ATXN1: variants seen among roughly 807,000 people sequenced by gnomAD.
The protein encoded by ATXN1 is ataxin-1.
A neutral mutation model predicts 56.4 loss-of-function variants in ATXN1; 8 were observed. The observed-to-expected ratio is 0.14, with a 90% confidence interval of 0.08 to 0.26. The LOEUF is 0.26. ATXN1 is among the 10% of genes least tolerant of loss of function. ATXN1 has a pLI of 1.00. For missense variants in ATXN1, 987 were observed against 1,106.5 expected (o/e 0.89, Z 1.53); for synonymous variants, 514 against 494.6 (o/e 1.04, Z -0.52).
At chr6:16,658,084 G>T (rs941512839) in intron 2 of ATXN1, among the ~76,000 whole-genome samples, 183 bp from the exon 3 acceptor site, 16 of 152,014 alleles carry the variant, frequency 1.1e-4, no homozygotes, top group African/African-American at 3.4e-4. Flanking sequence ...CTAAAATACT[G>T]GAGGTGGGGT....
At chr6:16,568,714 A>G (rs937504342) in intron 4 of ATXN1, among the ~76,000 whole-genome samples, 1 of 152,122 alleles carries the variant, frequency 6.6e-6, no homozygotes, top group Non-Finnish European at 1.5e-5. Context: ...CCCACTGTCT[A>G]AATGCTTCAT....
intron 2 of ATXN1, among the ~76,000 whole-genome samples, chr6:16,735,981 TA>T (rs1405798895): frequency 1.3e-5 from 2 of 152,236 alleles, no homozygotes; most frequent in African/African-American, 4.8e-5. Flanking sequence ...AAAATAGAAT[TA>T]AATTGAATGC....
chr6:16,459,920 C>T (rs963154360), intron 6 of ATXN1, among the ~76,000 whole-genome samples: 37 of 152,248 alleles, frequency 2.4e-4, no homozygotes, highest in African/African-American at 8.9e-4. Context: ...AATCGAAGGC[C>T]CAGCTCTGCC....
At chr6:16,438,736 T>C (rs1759443494) in intron 6 of ATXN1, among the ~76,000 whole-genome samples, 1 of 152,176 alleles carries the variant, frequency 6.6e-6, no homozygotes, top group Admixed American at 6.5e-5. Context: ...ATAATATTTA[T>C]GAGATAGACT....
chr6:16,450,944 C>T (rs574400298), intron 6 of ATXN1, among the ~76,000 whole-genome samples: 40 of 152,252 alleles, frequency 2.6e-4, no homozygotes, highest in African/African-American at 7.0e-4. Flanking sequence ...ACAACAGGGG[C>T]GGCGGGGGTT....
At chr6:16,711,758 C>T (rs1490706871) in intron 2 of ATXN1, among the ~76,000 whole-genome samples, 1 of 152,058 alleles carries the variant, frequency 6.6e-6, no homozygotes, top group Non-Finnish European at 1.5e-5. Flanking sequence ...TCTGGGATTA[C>T]AGGTGCGTGC....
intron 3 of ATXN1, among the ~76,000 whole-genome samples, chr6:16,618,096 A>C (rs1317065341): frequency 6.6e-6 from 1 of 152,086 alleles, no homozygotes; most frequent in Non-Finnish European, 1.5e-5. Context: ...AAAAAGAATG[A>C]GATCATGTCC....
At chr6:16,398,769 G>T (rs560643364) in intron 6 of ATXN1, among the ~76,000 whole-genome samples, 1 of 152,200 alleles carries the variant, frequency 6.6e-6, no homozygotes, top group African/African-American at 2.4e-5. Flanking sequence ...TGTGAAGAAT[G>T]CTTGGCTAGA....
At chr6:16,617,493 G>GA (rs1048029147) in intron 3 of ATXN1, among the ~76,000 whole-genome samples, 2 of 151,150 alleles carry the variant, frequency 1.3e-5, no homozygotes, top group African/African-American at 2.4e-5. Context: ...AAGCAAAATA[G>GA]AAAAAAAACA....
At chr6:16,593,749 T>C (rs1282368444) in intron 3 of ATXN1, among the ~76,000 whole-genome samples, 1 of 152,026 alleles carries the variant, frequency 6.6e-6, no homozygotes, top group Non-Finnish European at 1.5e-5. Context: ...TTAGCCATGT[T>C]GTTACAGGTA....
intron 2 of ATXN1, among the ~76,000 whole-genome samples, chr6:16,748,106 C>T (rs1054374472): frequency 1.3e-5 from 2 of 152,210 alleles, no homozygotes; most frequent in East Asian, 1.9e-4. Context: ...TCCCCTGAAA[C>T]GGATAAGCAA....
chr6:16,336,990 T>C (rs1366297009), intron 6 of ATXN1, among the ~76,000 whole-genome samples: 1 of 152,030 alleles, frequency 6.6e-6, no homozygotes, highest in African/African-American at 2.4e-5. Flanking sequence ...GTCGCTGGCT[T>C]GGGTAGCTCT....
chr6:16,314,046 G>C (rs1289971940), intron 7 of ATXN1, among the ~76,000 whole-genome samples: 1 of 152,196 alleles, frequency 6.6e-6, no homozygotes, highest in South Asian at 2.1e-4. Flanking sequence ...GCTGAGGTGG[G>C]AGCGGAAGAT....
intron 3 of ATXN1, among the ~76,000 whole-genome samples, chr6:16,636,258 G>C (rs72825571): frequency 0.014 from 2,105 of 152,336 alleles, 30 homozygotes; most frequent in Middle Eastern, 0.027. Flanking sequence ...TTCCAGAGAG[G>C]TTGGTAACTT....
chr6:16,640,041 T>C (rs892151112), intron 3 of ATXN1, among the ~76,000 whole-genome samples: 1 of 152,180 alleles, frequency 6.6e-6, no homozygotes, highest in African/African-American at 2.4e-5. Flanking sequence ...GCATTTCACT[T>C]TGTTGTCCTT....
At chr6:16,475,147 T>C (rs1002092569) in intron 6 of ATXN1, among the ~76,000 whole-genome samples, 7 of 152,200 alleles carry the variant, frequency 4.6e-5, no homozygotes, top group Admixed American at 4.6e-4. Flanking sequence ...TACTATAAAA[T>C]TCACCTAAAA....
intron 5 of ATXN1, among the ~76,000 whole-genome samples, chr6:16,494,868 G>A (rs1194213474): frequency 1.3e-5 from 2 of 152,178 alleles, no homozygotes; most frequent in African/African-American, 4.8e-5. Flanking sequence ...AGGTATTGCT[G>A]TAGCACAACA....
At chr6:16,500,749 A>C (rs1398005063) in intron 5 of ATXN1, among the ~76,000 whole-genome samples, 1 of 151,190 alleles carries the variant, frequency 6.6e-6, no homozygotes, top group Non-Finnish European at 1.5e-5. Context: ...AAAAAAAAAA[A>C]AAAAAAAAAA....
At chr6:16,756,962 G>C (rs1645802711) in intron 1 of ATXN1, among the ~76,000 whole-genome samples, 1 of 152,134 alleles carries the variant, frequency 6.6e-6, no homozygotes, top group African/African-American at 2.4e-5. Context: ...AAACAATAAA[G>C]GCACAACATT....
Sources: allele counts gnomAD v4.1 joint callset (sites outside exome capture counted in the v4.1 genomes callset), GRCh38; gene constraint gnomAD v4.1.1; transcripts MANE v1.5; gene names NCBI Gene and HGNC (gene_info 2026-07-23, HGNC 2026-07-21).